MICAL2: variants seen among roughly 807,000 people sequenced by gnomAD.
MICAL2 encodes microtubule associated monooxygenase, calponin and LIM domain containing 2, also known as [F-actin]-monooxygenase MICAL2.
In MICAL2, 77 loss-of-function variants were observed where a neutral mutation model predicts 127.3. The ratio of observed to expected loss-of-function variants is 0.60; its 90% CI spans 0.50 to 0.73. The LOEUF is 0.73. Among genes scored for constraint, MICAL2 ranks in the 30% least tolerant of loss-of-function variants. The pLI, the probability that MICAL2 is intolerant of heterozygous loss-of-function variation, is 0.00. For missense variants in MICAL2, 1,351 were observed against 1,434.4 expected (o/e 0.94, Z 0.94); for synonymous variants, 570 against 551.1 (o/e 1.03, Z -0.48).
At chr11:12,334,598 C>T (rs1938714201) in intron 32 of MICAL2, among the ~76,000 whole-genome samples, 1 of 101,826 alleles carries the variant, frequency 9.8e-6, no homozygotes, top group African/African-American at 3.6e-5. Context: ...CTATCCCTCC[C>T]CCCTCCCCCC....
At chr11:12,277,013 G>A (rs1693503880) in intron 1 of MICAL2, among the ~76,000 whole-genome samples, 1 of 152,168 alleles carries the variant, frequency 6.6e-6, no homozygotes, top group South Asian at 2.1e-4. Flanking sequence ...CAGCCCCAAA[G>A]CGAGTGACTT....
intron 3 of MICAL2, among the ~76,000 whole-genome samples, chr11:12,201,667 A>C (rs546356657): frequency 6.6e-6 from 1 of 152,314 alleles, no homozygotes; most frequent in Admixed American, 6.5e-5. Flanking sequence ...GAATGTAGCT[A>C]TCCTAGGTCA....
At chr11:12,356,397 C>T (rs1442297102) in intron 34 of MICAL2, among the ~76,000 whole-genome samples, 2 of 152,178 alleles carry the variant, frequency 1.3e-5, no homozygotes, top group Non-Finnish European at 2.9e-5. Context: ...TTGAAGATGC[C>T]ACCCCTCCCT....
intron 20 of MICAL2, among the ~76,000 whole-genome samples, chr11:12,243,696 T>C (rs1256031000): frequency 1.3e-5 from 2 of 152,188 alleles, no homozygotes; most frequent in Admixed American, 6.5e-5. Context: ...GTGAGGGCTT[T>C]GGTAATTGGC....
chr11:12,141,162 T>G (rs1314686162), intron 2 of MICAL2, among the ~76,000 whole-genome samples: 1 of 152,200 alleles, frequency 6.6e-6, no homozygotes, highest in African/African-American at 2.4e-5. Context: ...CTGGCCTTGT[T>G]AGACTCTTGA....
chr11:12,224,947 A>G (rs2134312503), intron 13 of MICAL2, 127 bp downstream of exon 13: 4 of 1,216,252 alleles, frequency 3.3e-6, no homozygotes, highest in Admixed American at 5.0e-5. Flanking sequence ...TTTTCTTAAC[A>G]TTTGTTCTTT....
intron 7 of MICAL2, 72 bp from the exon 8 acceptor site, chr11:12,216,147 C>A: frequency 1.7e-6 from 2 of 1,157,578 alleles, no homozygotes; most frequent in South Asian, 1.2e-5. Context: ...AATAGTGAGG[C>A]AAAGTACAGT....
At chr11:12,205,737 G>A (rs1166270264) in intron 4 of MICAL2, among the ~76,000 whole-genome samples, 1 of 152,176 alleles carries the variant, frequency 6.6e-6, no homozygotes, top group Admixed American at 6.5e-5. Context: ...ATTAAATGAG[G>A]TCAAGTTTGT....
intron 31 of MICAL2, among the ~76,000 whole-genome samples, chr11:12,325,717 A>G (rs1864347022): frequency 6.6e-6 from 1 of 152,140 alleles, no homozygotes; most frequent in Non-Finnish European, 1.5e-5. Context: ...CCCCAGCCCT[A>G]TGACTTCATT....
chr11:12,243,984 C>A lies in MICAL2; in HGVS notation c.2659-3C>A. 12 of 1,613,680 alleles carry A rather than the reference C, an allele frequency of 7.4e-6. No individual in the cohort carries two copies. The highest frequency in any genetic ancestry group is 9.3e-6 in the Non-Finnish European group (11 of 1,179,656). ...TTGTTTCTTCTATTTCTGTTCTGTG[C>A]AGAATAAACTACTCTCTAAAGGCCT... is the stretch of plus-strand genomic sequence containing the variant. On this transcript the variant is annotated splice_region_variant and splice_polypyrimidine_tract_variant and intron_variant, in intron 20 of 27. Coordinates refer to ENST00000683283, the MANE Select transcript of MICAL2 (RefSeq NM_001282663.2).
At chr11:12,288,313 C>T (rs975855345), downstream of MICAL2, among the ~76,000 whole-genome samples, 3 of 152,230 alleles carry the variant, frequency 2.0e-5, no homozygotes, top group Admixed American at 6.5e-5. Context: ...TGCCCAGGCC[C>T]GGACTATATG....
downstream of MICAL2, among the ~76,000 whole-genome samples, chr11:12,361,041 T>C (rs1939197829): frequency 6.6e-6 from 1 of 152,198 alleles, no homozygotes; most frequent in South Asian, 2.1e-4. Context: ...AGTAGGATTA[T>C]GATGAAAACA....
chr11:12,283,738 C>T (rs1313510625), intron 2 of MICAL2, among the ~76,000 whole-genome samples: 2 of 152,128 alleles, frequency 1.3e-5, no homozygotes, highest in African/African-American at 4.8e-5. Context: ...TTATTTTCCA[C>T]AATTTTTAAA....
At chr11:12,321,512 G>A (rs1864295650) in intron 30 of MICAL2, among the ~76,000 whole-genome samples, 1 of 152,158 alleles carries the variant, frequency 6.6e-6, no homozygotes, top group African/African-American at 2.4e-5. Context: ...AAGAGACTAA[G>A]GCAGGAAGAG....
chr11:12,292,442 T>A, downstream of MICAL2: 6 of 867,244 alleles, frequency 6.9e-6, no homozygotes, highest in East Asian at 2.5e-5. Flanking sequence ...CTGTCAAGGG[T>A]CTACCCCAGC....
At position 12,223,493 on chromosome 11, in the gene MICAL2, C is replaced by T. The variant is rs762007510; in HGVS notation, c.1532C>T (p.Ser511Phe). The T allele has an allele frequency of 5.6e-6, 9 of 1,613,842 alleles. No individual in the cohort carries two copies. Among genetic ancestry groups the T allele is most frequent in the Non-Finnish European group, 7.6e-6 (9 of 1,179,948 alleles). Residue 511 changes from serine (S) to phenylalanine (F), a missense_variant, in exon 12 of 28, where the codon TCC becomes TTC. Ser to Phe is a radical substitution (Grantham distance 155). Transcript: ENST00000683283. The part of the protein sequence containing the change: ...LGSVRRSVNL[S>F]RKESDIRPSK... ...TCGGTGAGGAGATCTGTCAACCTCT[C>T]CAGGAAGGGTAAGCGGCCCTCCTGG...
intron 1 of MICAL2, among the ~76,000 whole-genome samples, chr11:12,127,685 G>A (rs1381061976): frequency 2.6e-5 from 4 of 152,168 alleles, no homozygotes; most frequent in Admixed American, 6.5e-5. Context: ...GATCCTCTTC[G>A]ACCTGTTGGG....
intron 31 of MICAL2, chr11:12,324,174 G>T (rs1293177272): frequency 2.2e-6 from 3 of 1,343,650 alleles, no homozygotes; most frequent in East Asian, 2.5e-5. Context: ...GGGAAAGCAG[G>T]CTGGAGAAAG....
intron 24 of MICAL2, among the ~76,000 whole-genome samples, chr11:12,270,497 G>A (rs1452773853): frequency 6.6e-6 from 1 of 152,214 alleles, no homozygotes; most frequent in Non-Finnish European, 1.5e-5. Context: ...GGTGGCACCA[G>A]CTCTTCTCCT....
Sources: gnomAD v4.1 joint callset for allele counts (sites outside exome capture counted in the v4.1 genomes callset) on GRCh38, gnomAD v4.1.1 for gene constraint, MANE v1.5 for transcripts, NCBI Gene and HGNC (gene_info 2026-07-23, HGNC 2026-07-21) for gene names.